Variants in KCNS3 observed in about 807,000 individuals in gnomAD.
The protein encoded by KCNS3 is delayed-rectifier potassium channel regulatory subunit KCNS3.
Under a neutral mutation model 31.0 loss-of-function variants are expected in KCNS3, and 13 were observed. That is an observed-to-expected ratio of 0.42 (90% confidence interval 0.27 to 0.67). The LOEUF (loss-of-function observed/expected upper bound fraction) is 0.67. Among genes scored for constraint, KCNS3 ranks in the 30% least tolerant of loss-of-function variants. The pLI, the probability that KCNS3 is intolerant of heterozygous loss-of-function variation, is 0.25. For synonymous variants in KCNS3, 238 were observed against 241.5 expected (o/e 0.99, Z 0.13); for missense variants, 545 against 622.4 (o/e 0.88, Z 1.32).
intron 1 of KCNS3, among the ~76,000 whole-genome samples, chr2:17,893,940 G>GTTTTTTTTTTTTTTTTTTTTTGTT (rs1661920090): frequency 1.0e-5 from 1 of 98,904 alleles, no homozygotes; most frequent in African/African-American, 4.5e-5. Flanking sequence ...CCAGGAGCCA[G>GTTTTTTTTTTTTTTTTTTTTTGTT]TTTTTTTTTT....
In KCNS3 at chr2:17,932,041, G is replaced by C. The variant is rs143152428; in HGVS notation, c.1033G>C (p.Val345Leu). The stretch of plus-strand genomic sequence containing the variant: ...CATTTTCTCTGTGCTTATCTACTCC[G>C]TGGAGAAAGATGACCACACATCCAG... ...ISIFSVLIYS[V>L]EKDDHTSSLT... The change falls in exon 3 of 3, where the codon GTG (valine) becomes CTG (leucine). Residue 345 changes from valine (V) to leucine (L), a missense_variant. Val to Leu is a conservative substitution (Grantham distance 32). Transcript: ENST00000304101. 159 of 1,614,022 alleles carry C rather than the reference G, an allele frequency of 9.9e-5. No homozygotes were observed. The South Asian group carries it at 1.6e-3, about 16-fold the overall frequency.
upstream of KCNS3, among the ~76,000 whole-genome samples, chr2:17,878,277 G>C (rs1208021751): frequency 1.3e-5 from 2 of 152,134 alleles, no homozygotes; most frequent in African/African-American, 4.8e-5. Context: ...CCGGGGCCGC[G>C]GGGGAGGTCA....
intron 2 of KCNS3, among the ~76,000 whole-genome samples, chr2:17,925,630 C>G (rs1476092737): frequency 6.6e-6 from 1 of 152,102 alleles, no homozygotes; most frequent in Non-Finnish European, 1.5e-5. Flanking sequence ...GGGAAAAGAG[C>G]TTTTTATCAA....
At chr2:17,887,289 C>T (rs1188425684) in intron 1 of KCNS3, among the ~76,000 whole-genome samples, 2 of 151,986 alleles carry the variant, frequency 1.3e-5, no homozygotes, top group East Asian at 3.9e-4. Flanking sequence ...CCCCTGAGTC[C>T]CCAAAGTCCA....
In KCNS3 at chr2:17,931,342, T is replaced by G. The variant is rs1423219876; in HGVS notation, c.334T>G (p.Phe112Val). Residue 112 changes from phenylalanine to valine, a missense_variant, in exon 3 of 3, where the codon TTC (phenylalanine) becomes GTC (valine). Coordinates refer to ENST00000304101, the MANE Select transcript of KCNS3 (RefSeq NM_002252.5). The surrounding 1 kb of genome is among the most constrained non-coding windows in gnomAD (Gnocchi z 5.4). ...CGAGTACTGGGGCATCAACGAGCTC[T>G]TCATTGATTCTTGCTGCAGCAATCG... is the stretch of plus-strand genomic sequence containing the variant. ...EIEYWGINEL[F>V]IDSCCSNRYQ... 1 of 1,614,176 alleles carries G rather than the reference T, an allele frequency of 6.2e-7. No individual in the cohort carries two copies.
At chr2:17,888,265 T>C (rs1270297829) in intron 1 of KCNS3, among the ~76,000 whole-genome samples, 2 of 151,820 alleles carry the variant, frequency 1.3e-5, no homozygotes, top group East Asian at 3.9e-4. Flanking sequence ...TAAGCCAATA[T>C]CTAGAAGAGT....
chr2:17,901,352 G>A (rs1178864588), intron 1 of KCNS3, among the ~76,000 whole-genome samples: 1 of 152,110 alleles, frequency 6.6e-6, no homozygotes, highest in Non-Finnish European at 1.5e-5. Flanking sequence ...CGAGTTGAGA[G>A]GCAATGGGGA....
At chr2:17,887,484 G>GATCTATCTATCTATCTATCCATCT (rs149585478) in intron 1 of KCNS3, among the ~76,000 whole-genome samples, 2,815 of 146,338 alleles carry the variant, frequency 0.019, 77 homozygotes, top group East Asian at 0.13. Flanking sequence ...TCTATCATAT[G>GATCTATCTATCTATCTATCCATCT]ATCTATCTAT....
chr2:17,910,486 A>T (rs150975078), intron 1 of KCNS3, among the ~76,000 whole-genome samples: 6 of 152,206 alleles, frequency 3.9e-5, no homozygotes, highest in Non-Finnish European at 8.8e-5. Context: ...GTTTAAATGG[A>T]ATACAAAAGA....
chr2:17,901,513 T>C (rs1345451188), intron 1 of KCNS3, among the ~76,000 whole-genome samples: 2 of 152,144 alleles, frequency 1.3e-5, no homozygotes, highest in East Asian at 3.9e-4. Flanking sequence ...GATGTGCTTA[T>C]TGTAAGCCCC....
intron 1 of KCNS3, among the ~76,000 whole-genome samples, chr2:17,911,858 C>G (rs952941685): frequency 1.3e-5 from 2 of 152,196 alleles, no homozygotes; most frequent in Non-Finnish European, 2.9e-5. Flanking sequence ...GTTAACTTCT[C>G]TATTTACCAG....
At position 17,878,689 on chromosome 2, in the gene KCNS3, C is replaced by T. The variant is rs1420679612; in HGVS notation, c.-369C>T. 6.6e-6 allele frequency: 1 copy of T among 150,414 alleles called. No individual in the cohort carries two copies. Among genetic ancestry groups the T allele is most frequent in the Non-Finnish European group, 1.5e-5 (1 of 67,440 alleles). 9.3% of individuals were successfully genotyped at this position (150,414 alleles called of 1,614,324 possible). ...GACAGACCGGCCGACGCGGGCCACC[C>T]CGCTCTCCTCGCCGCCGCGGCGGCA... is the stretch of plus-strand genomic sequence containing the variant. On this transcript the variant is annotated 5_prime_UTR_variant, in exon 1 of 3. Coordinates refer to ENST00000304101, the MANE Select transcript of KCNS3 (RefSeq NM_002252.5).
rs565316253 is a variant in KCNS3 at position 17,895,926 on chromosome 2, G to A, written c.-252+17120G>A. 3.3e-5 allele frequency among the ~76,000 whole-genome samples: 5 copies of A among 152,276 alleles called. No individual in the cohort carries two copies. In the South Asian group the frequency reaches 8.3e-4, roughly 25 times the overall value. On this transcript the variant is annotated intron_variant, in intron 1 of 2. Transcript: ENST00000304101. Reference sequence around the variant, plus strand: ...AGGCAGAGGTATGAGGTATATTGGTGGATGCTGAGGCCAAACAGACAGGAT... The same window carrying A: ...AGGCAGAGGTATGAGGTATATTGGTAGATGCTGAGGCCAAACAGACAGGAT...
intron 1 of KCNS3, among the ~76,000 whole-genome samples, chr2:17,895,157 G>C (rs911823423): frequency 1.3e-5 from 2 of 152,068 alleles, no homozygotes; most frequent in African/African-American, 4.8e-5. Context: ...CCAAAGAATG[G>C]TCTAGATGCT....
At chr2:17,911,213 T>C (rs1227060559) in intron 1 of KCNS3, among the ~76,000 whole-genome samples, 1 of 152,226 alleles carries the variant, frequency 6.6e-6, no homozygotes, top group Non-Finnish European at 1.5e-5. Flanking sequence ...CCGTTATTTA[T>C]TTACCCATTT....
chr2:17,888,984 G>C (rs1434903207), intron 1 of KCNS3, among the ~76,000 whole-genome samples: 1 of 151,894 alleles, frequency 6.6e-6, no homozygotes, highest in African/African-American at 2.4e-5. Flanking sequence ...GTATTTTGAT[G>C]GGGATTGCAT....
chr2:17,912,693 G>T (rs1022311693), intron 1 of KCNS3, among the ~76,000 whole-genome samples: 2 of 152,218 alleles, frequency 1.3e-5, no homozygotes, highest in African/African-American at 4.8e-5. Flanking sequence ...GGAAAGGAAG[G>T]TGGTATTTAG....
At chr2:17,904,745 G>C (rs1439518741) in intron 1 of KCNS3, among the ~76,000 whole-genome samples, 2 of 152,152 alleles carry the variant, frequency 1.3e-5, no homozygotes. Context: ...CTTTTTGTCA[G>C]GTTTGTCAAA....
chr2:17,924,378 C>T (rs1221335934), intron 2 of KCNS3, among the ~76,000 whole-genome samples: 1 of 152,010 alleles, frequency 6.6e-6, no homozygotes, highest in Non-Finnish European at 1.5e-5. Context: ...CTGACTAGAA[C>T]TTCCAGTACA....
Sources: allele counts gnomAD v4.1 joint callset (sites outside exome capture counted in the v4.1 genomes callset), GRCh38; gene constraint gnomAD v4.1.1; non-coding constraint Gnocchi (gnomAD v3.1); transcripts MANE v1.5; gene names NCBI Gene and HGNC (gene_info 2026-07-23, HGNC 2026-07-21).